ZNF215: variants seen among roughly 807,000 people sequenced by gnomAD.
The protein encoded by ZNF215 is zinc finger protein 215.
Under a neutral mutation model 27.2 loss-of-function variants are expected in ZNF215, and 24 were observed. The observed-to-expected ratio is 0.88, with a 90% CI of 0.64 to 1.24. ZNF215 has a LOEUF of 1.24. Ranked by LOEUF, ZNF215 falls within the 50% of genes most tolerant of loss-of-function variation. The pLI, the probability that ZNF215 is intolerant of heterozygous loss-of-function variation, is 0.00. For synonymous variants in ZNF215, 210 were observed against 204.0 expected (o/e 1.03, Z -0.25); for missense variants, 675 against 605.7 (o/e 1.11, Z -1.20).
chr11:6,955,546 T>C, intron 6 of ZNF215, 144 bp from the exon 7 acceptor site: 1 of 778,284 alleles, frequency 1.3e-6, no homozygotes, highest in Non-Finnish European at 1.8e-6. Context: ...ATTTCTTTTA[T>C]AAGTATTTTT....
At chr11:6,955,120 A>G (rs1201028163) in intron 6 of ZNF215, among the ~76,000 whole-genome samples, 1 of 152,194 alleles carries the variant, frequency 6.6e-6, no homozygotes, top group Non-Finnish European at 1.5e-5. Context: ...TTGAGCCCAG[A>G]AAAAGGACTT....
chr11:6,947,985 C>T (rs1849883169), intron 6 of ZNF215, among the ~76,000 whole-genome samples: 1 of 152,232 alleles, frequency 6.6e-6, no homozygotes, highest in Non-Finnish European at 1.5e-5. Context: ...TAACAGGCAA[C>T]ATCCTGAGAG....
intron 5 of ZNF215, among the ~76,000 whole-genome samples, chr11:6,973,876 G>A (rs927657438): frequency 6.6e-6 from 1 of 152,140 alleles, no homozygotes; most frequent in Non-Finnish European, 1.5e-5. Context: ...TTCTTTAGCT[G>A]TGCAGAAGCT....
rs747938943 is a variant in ZNF215, at chr11:6,943,180, T to C, written c.581T>C (p.Leu194Pro). 8 of 1,613,718 alleles carry C rather than the reference T, an allele frequency of 5.0e-6. No homozygotes were observed. In the Admixed American group the frequency reaches 1.0e-4, roughly 20 times the overall value. The change falls in exon 5 of 7, where the codon CTG becomes CCG. Residue 194 changes from leucine to proline, a missense_variant. Coordinates refer to ENST00000278319, the MANE Select transcript of ZNF215 (RefSeq NM_013250.4). ...AAGAACCTGTACAGGAATGTGATGCTGGAAAACTTTAGGAACCTGAATTCA... is the reference window on the plus strand; with the variant it reads ...AAGAACCTGTACAGGAATGTGATGCCGGAAAACTTTAGGAACCTGAATTCA... ...AVKNLYRNVM[L>P]ENFRNLNSLR...
chr11:6,930,011 C>T (rs1352133050), intron 2 of ZNF215, among the ~76,000 whole-genome samples: 1 of 151,194 alleles, frequency 6.6e-6, no homozygotes. Context: ...TATTCTGTTG[C>T]TTATATTGTT....
At chr11:6,950,476 T>C in intron 6 of ZNF215, among the ~76,000 whole-genome samples, 1 of 152,168 alleles carries the variant, frequency 6.6e-6, no homozygotes, top group East Asian at 1.9e-4. Context: ...TCCTAGGTAT[T>C]TTATTCTCTT....
At chr11:6,929,425 T>C (rs1849174596) in intron 2 of ZNF215, among the ~76,000 whole-genome samples, 2 of 152,206 alleles carry the variant, frequency 1.3e-5, no homozygotes, top group Non-Finnish European at 2.9e-5. Context: ...TAATGTCTTT[T>C]TTACTGATGT....
intron 6 of ZNF215, among the ~76,000 whole-genome samples, chr11:6,994,384 T>C (rs73405264): frequency 0.033 from 4,981 of 152,198 alleles, 296 homozygotes; most frequent in African/African-American, 0.11. Flanking sequence ...CTCAAAGCAG[T>C]TGTGAAATTT....
intron 5 of ZNF215, among the ~76,000 whole-genome samples, chr11:6,979,342 T>TAAC (rs78927116): frequency 0.99 from 150,895 of 151,986 alleles, 74,914 homozygotes; most frequent in Middle Eastern, 1. Flanking sequence ...ATAATAATAA[T>TAAC]GATTGTGGTA....
At chr11:6,975,440 T>C (rs911138632) in intron 5 of ZNF215, among the ~76,000 whole-genome samples, 3 of 152,036 alleles carry the variant, frequency 2.0e-5, no homozygotes, top group Non-Finnish European at 4.4e-5. Flanking sequence ...TACAGTCCCA[T>C]TGTGCTATCC....
chr11:6,987,909 A>C (rs1344761564), downstream of ZNF215, among the ~76,000 whole-genome samples: 2 of 152,196 alleles, frequency 1.3e-5, no homozygotes, highest in African/African-American at 4.8e-5. Context: ...TCTTCTTCTT[A>C]GGAAAGTGGA....
In ZNF215 at chr11:6,957,711, G is replaced by C; in HGVS notation, c.*1180G>C. 2 of 980,356 alleles carry C rather than the reference G, an allele frequency of 2.0e-6. No individual in the cohort carries two copies. The highest frequency in any genetic ancestry group is 2.4e-6 in the Non-Finnish European group (2 of 825,394). 60.7% of individuals were successfully genotyped at this position (980,356 alleles called of 1,614,324 possible). ...TTTCACTTAAAGTTGCAGTTCCTAA[G>C]AACCTATTGATGATGTTCAGTGCAG... On this transcript the variant is annotated 3_prime_UTR_variant, in exon 7 of 7. Coordinates refer to ENST00000278319, the MANE Select transcript of ZNF215 (RefSeq NM_013250.4).
At chr11:6,960,928 A>G (rs1384935878), downstream of ZNF215, among the ~76,000 whole-genome samples, 2 of 152,108 alleles carry the variant, frequency 1.3e-5, no homozygotes, top group African/African-American at 2.4e-5. Flanking sequence ...TCTCTATGGT[A>G]TGTCAGAGAA....
chr11:6,942,811 T>C (rs1401729734), intron 4 of ZNF215, among the ~76,000 whole-genome samples: 1 of 152,200 alleles, frequency 6.6e-6, no homozygotes, highest in Non-Finnish European at 1.5e-5. Flanking sequence ...TTGTCTTTTT[T>C]CCCCCTCAAC....
intron 5 of ZNF215, among the ~76,000 whole-genome samples, chr11:6,972,072 C>T (rs997184486): frequency 1.3e-5 from 2 of 152,046 alleles, no homozygotes; most frequent in African/African-American, 2.4e-5. Context: ...CCCAAGACTA[C>T]TCATCTAGAA....
chr11:6,989,281 A>G (rs1350068627), downstream of ZNF215, among the ~76,000 whole-genome samples: 1 of 152,146 alleles, frequency 6.6e-6, no homozygotes, highest in Non-Finnish European at 1.5e-5. Context: ...CAGCAGTCTG[A>G]TCAAACATCC....
At position 6,943,609 on chromosome 11, in the gene ZNF215, TG is replaced by T. The variant is rs748502074; in HGVS notation, c.682del (p.Glu228ArgfsTer12). On this transcript the variant is annotated frameshift_variant, in exon 6 of 7. Transcript: ENST00000278319. LOFTEE classifies it low-confidence loss of function (END_TRUNC). The stretch of plus-strand genomic sequence containing the variant: ...GAGAGTAAGAAAAAAAGATGGATAA[TG>T]GAGAAAGAAATACCAAGGAAGACTA... ...KLESKKKRWI[M>X]EKEIPRKTIF... 6 of 1,613,978 alleles carry T rather than the reference TG, an allele frequency of 3.7e-6. No homozygotes were observed. Among genetic ancestry groups the T allele is most frequent in the Non-Finnish European group, 5.1e-6 (6 of 1,179,916 alleles).
Position 6,932,647 on chromosome 11 carries a change from T to G in ZNF215, c.375T>G (p.Asp125Glu). The part of the protein sequence containing the change: ...NSKDMVTLIE[D>E]VIEMLEDEDM... The stretch of plus-strand genomic sequence containing the variant: ...AAGATATGGTGACCCTCATAGAAGA[T>G]GTGATTGAAATGCTTGAAGATGAAG... The change falls in exon 3 of 7, where the codon GAT becomes GAG. Residue 125 changes from aspartate (D) to glutamate (E), a missense_variant. Coordinates refer to ENST00000278319, the MANE Select transcript of ZNF215 (RefSeq NM_013250.4). The G allele has an allele frequency of 6.2e-7, 1 of 1,611,064 alleles. No homozygotes were observed.
At chr11:6,990,378 A>G (rs1240692521), downstream of ZNF215, among the ~76,000 whole-genome samples, 1 of 152,212 alleles carries the variant, frequency 6.6e-6, no homozygotes, top group African/African-American at 2.4e-5. Context: ...TTATACACAG[A>G]GCTGTGTATG....
Sources: gnomAD v4.1 joint callset for allele counts (sites outside exome capture counted in the v4.1 genomes callset) on GRCh38, gnomAD v4.1.1 for gene constraint, MANE v1.5 for transcripts, NCBI Gene and HGNC (gene_info 2026-07-23, HGNC 2026-07-21) for gene names.